The following TRPC5 variants were observed in gnomAD, a reference collection of about 807,000 sequenced individuals.
TRPC5 encodes transient receptor potential cation channel subfamily C member 5.
A neutral mutation model predicts 56.5 loss-of-function variants in TRPC5; 9 were observed. The ratio of observed to expected loss-of-function variants is 0.16; its 90% CI spans 0.10 to 0.28. The LOEUF is 0.28. TRPC5 is among the 10% of genes least tolerant of loss of function. TRPC5 has a pLI of 1.00. For missense variants in TRPC5, 469 were observed against 748.9 expected (o/e 0.63, Z 4.36); for synonymous variants, 282 against 278.5 (o/e 1.01, Z -0.13).
intron 6 of TRPC5, among the ~76,000 whole-genome samples, chrX:111,840,589 A>G: frequency 8.9e-6 from 1 of 111,856 alleles, no homozygotes; most frequent in Non-Finnish European, 1.9e-5. Flanking sequence ...ATATTTGGCT[A>G]TACGTCTATA....
At chrX:111,811,264 A>G (rs768890172) in intron 7 of TRPC5, among the ~76,000 whole-genome samples, 1 of 113,008 alleles carries the variant, frequency 8.8e-6, no homozygotes, top group South Asian at 3.6e-4. Flanking sequence ...AAATATTTGG[A>G]CATCAATCCA....
At chrX:112,048,806 G>A (rs1930136327) in intron 1 of TRPC5, among the ~76,000 whole-genome samples, 1 of 111,816 alleles carries the variant, frequency 8.9e-6, no homozygotes, top group Non-Finnish European at 1.9e-5. Context: ...AATGAGCATG[G>A]TTAACTCATG....
At chrX:111,793,685 C>G (rs183267982) in intron 7 of TRPC5, among the ~76,000 whole-genome samples, 1 of 111,824 alleles carries the variant, frequency 8.9e-6, no homozygotes, top group East Asian at 2.8e-4. Context: ...CATGACCCAG[C>G]AAATCCACTC....
At chrX:111,981,287 C>G (rs899836019) in intron 1 of TRPC5, among the ~76,000 whole-genome samples, 4 of 110,952 alleles carry the variant, frequency 3.6e-5, no homozygotes, top group African/African-American at 1.3e-4. Flanking sequence ...AGACTGATGT[C>G]CCAGCTCAAG....
At chrX:111,808,251 A>G (rs1358913370) in intron 7 of TRPC5, among the ~76,000 whole-genome samples, 1 of 110,613 alleles carries the variant, frequency 9.0e-6, no homozygotes, top group Non-Finnish European at 1.9e-5. Context: ...GGGTCCAGAG[A>G]TACCATACAG....
intron 3 of TRPC5, among the ~76,000 whole-genome samples, chrX:111,871,191 CTATG>C (rs1159268015): frequency 8.9e-6 from 1 of 111,972 alleles, no homozygotes; most frequent in Non-Finnish European, 1.9e-5. Flanking sequence ...TGGTCTTTAT[CTATG>C]TAATGGTGGT....
At position 111,773,865 on chromosome X, in the gene TRPC5, G is replaced by C. The variant is rs184644327; in HGVS notation, c.*2448C>G. 9.0e-6 allele frequency among the ~76,000 whole-genome samples: 1 copy of C among 111,568 alleles called. No individual in the cohort carries two copies. The highest frequency in any genetic ancestry group is 1.9e-5 in the Non-Finnish European group (1 of 53,065). ...ACTTGAAATACCTTTTATGATACTT[G>C]ATCAAGAGAGTAAGGAAGTGAACAA... is the stretch of plus-strand genomic sequence containing the variant. On this transcript the variant is annotated 3_prime_UTR_variant, in exon 11 of 11. Transcript: ENST00000262839.
At chrX:111,807,047 G>T (rs1921536893) in intron 7 of TRPC5, among the ~76,000 whole-genome samples, 1 of 111,354 alleles carries the variant, frequency 9.0e-6, no homozygotes, top group Admixed American at 9.6e-5. Context: ...ATGTCTTGAG[G>T]TAGTCTTTTG....
chrX:111,905,764 A>T (rs1276165264), intron 3 of TRPC5, among the ~76,000 whole-genome samples: 1 of 109,564 alleles, frequency 9.1e-6, no homozygotes, highest in Admixed American at 9.7e-5. Flanking sequence ...AATACAAAAA[A>T]ATTAGCTGGG....
At chrX:112,038,955 G>T (rs1929826400) in intron 1 of TRPC5, among the ~76,000 whole-genome samples, 1 of 108,039 alleles carries the variant, frequency 9.3e-6, no homozygotes, top group Non-Finnish European at 1.9e-5. Context: ...TTCCCAAAGT[G>T]CTGGGATTAC....
rs143368603 is a variant in TRPC5, at chrX:111,962,942, G to A, written c.-21-10501C>T. ...TTTCTGCATTTCCATCTGAGGTACC[G>A]GGTTGATCTCACTAAGGAGTGCCAG... On this transcript the variant is annotated intron_variant, in intron 1 of 10. Coordinates refer to ENST00000262839, the MANE Select transcript of TRPC5 (RefSeq NM_012471.3). Among the ~76,000 whole-genome samples the A allele has an allele frequency of 1.4e-4, 16 of 111,866 alleles. No individual in the cohort carries two copies. In the East Asian group the frequency reaches 2.3e-3, roughly 16 times the overall value.
intron 7 of TRPC5, among the ~76,000 whole-genome samples, chrX:111,798,214 A>G (rs1921171319): frequency 8.9e-6 from 1 of 111,906 alleles, no homozygotes; most frequent in Non-Finnish European, 1.9e-5. Flanking sequence ...AGAAATGTAA[A>G]CAAGCATAAA....
intron 1 of TRPC5, among the ~76,000 whole-genome samples, chrX:112,016,449 T>C (rs1929127426): frequency 9.0e-6 from 1 of 110,849 alleles, no homozygotes; most frequent in Non-Finnish European, 1.9e-5. Flanking sequence ...CTTTCTTACC[T>C]GTGTTTCTCT....
intron 3 of TRPC5, among the ~76,000 whole-genome samples, chrX:111,890,434 A>G (rs1924746728): frequency 8.9e-6 from 1 of 112,199 alleles, no homozygotes; most frequent in Non-Finnish European, 1.9e-5. Flanking sequence ...CTGGATACCC[A>G]GGCTTTAAGG....
intron 1 of TRPC5, among the ~76,000 whole-genome samples, chrX:112,052,941 C>T: frequency 9.0e-6 from 1 of 111,721 alleles, no homozygotes; most frequent in Non-Finnish European, 1.9e-5. Context: ...TCTGGGTACT[C>T]TATTCTATTC....
At chrX:111,780,356 T>C (rs530848170) in intron 9 of TRPC5, among the ~76,000 whole-genome samples, 1 of 111,327 alleles carries the variant, frequency 9.0e-6, no homozygotes, top group South Asian at 3.8e-4. Flanking sequence ...TGTTGTAATT[T>C]ATCAAGATCT....
rs1481313258 is a variant in TRPC5, at chrX:111,776,784, C to T, written c.2451G>A (p.Met817Ile). 1 of 1,209,872 alleles carries T rather than the reference C, an allele frequency of 8.3e-7. No individual in the cohort carries two copies. The stretch of plus-strand genomic sequence containing the variant: ...TTCCTTGGGCACCACTGGACCTTGG[C>T]ATGGTTCTGATGAGAGGTGGCCCAT... Reference protein sequence around the residue: ...TCHGPPLIRTMPRSSGAQGKS... With the variant: ...TCHGPPLIRTIPRSSGAQGKS... Residue 817 changes from methionine to isoleucine, a missense_variant, in exon 11 of 11, where the codon ATG becomes ATA. By Grantham distance (10) the Met-to-Ile change is conservative. Coordinates refer to ENST00000262839, the MANE Select transcript of TRPC5 (RefSeq NM_012471.3).
chrX:111,829,608 T>G (rs894867273), intron 7 of TRPC5, among the ~76,000 whole-genome samples: 22 of 112,452 alleles, frequency 2.0e-4, no homozygotes, highest in African/African-American at 6.8e-4. Context: ...TTCCAGCCGA[T>G]CTAGCCATGG....
At chrX:111,799,268 AC>A (rs1921223988) in intron 7 of TRPC5, among the ~76,000 whole-genome samples, 1 of 111,576 alleles carries the variant, frequency 9.0e-6, no homozygotes, top group South Asian at 3.8e-4. Flanking sequence ...TTTTGTTTGT[AC>A]TAGAAGGCCT....
Sources: gnomAD v4.1 joint callset for allele counts (sites outside exome capture counted in the v4.1 genomes callset) on GRCh38, gnomAD v4.1.1 for gene constraint, MANE v1.5 for transcripts, NCBI Gene and HGNC (gene_info 2026-07-23, HGNC 2026-07-21) for gene names.